Variants in ADAMTS2 observed in about 807,000 individuals in gnomAD.
ADAMTS2 encodes the protein A disintegrin and metalloproteinase with thrombospondin motifs 2.
Under a neutral mutation model 123.0 loss-of-function variants are expected in ADAMTS2, and 50 were observed. That is an observed-to-expected ratio of 0.41 (90% confidence interval 0.32 to 0.51). The LOEUF (loss-of-function observed/expected upper bound fraction) is 0.51, where lower values mean the gene tolerates loss of function less well. Ranked by LOEUF, ADAMTS2 falls within the 20% of genes least tolerant of loss-of-function variation. ADAMTS2 has a pLI of 0.35. For synonymous variants in ADAMTS2, 678 were observed against 695.4 expected (o/e 0.98, Z 0.39); for missense variants, 1,494 against 1,705.2 (o/e 0.88, Z 2.18).
At chr5:179,126,668 C>T (rs1389138136) in intron 17 of ADAMTS2, among the ~76,000 whole-genome samples, 2 of 152,258 alleles carry the variant, frequency 1.3e-5, no homozygotes, top group African/African-American at 4.8e-5. Flanking sequence ...CCACCGTGCA[C>T]AGGACAGCCC....
rs564737271 is a variant in ADAMTS2 at position 179,175,996 on chromosome 5, G to A, written c.975+5076C>T. On this transcript the variant is annotated intron_variant, in intron 5 of 21. Coordinates refer to ENST00000251582, the MANE Select transcript of ADAMTS2 (RefSeq NM_014244.5). The surrounding 1 kb of genome is among the most constrained non-coding windows in gnomAD (Gnocchi z 4.1). ...TGCACAGCTCCACAGGAAAGTCTCC[G>A]GGAAATTTCACCCCCAGGAATGCCC... Among the ~76,000 whole-genome samples, 3 of 152,086 alleles carry A rather than the reference G, an allele frequency of 2.0e-5. No homozygotes were observed. The highest frequency in any genetic ancestry group is 3.9e-4 in the East Asian group (2 of 5,160).
rs1199809830 is a variant in ADAMTS2, at chr5:179,132,070, C to T, written c.2290+160G>A. Among the ~76,000 whole-genome samples the T allele has an allele frequency of 6.6e-6, 1 of 152,226 alleles. No individual in the cohort carries two copies. Among genetic ancestry groups the T allele is most frequent in the Non-Finnish European group, 1.5e-5 (1 of 68,034 alleles). ...AAGGGGAGGACCCTGGGAAAGGGCC[C>T]AGGTGGGCTGAGCAGAGGGACAGGT... On this transcript the variant is annotated intron_variant, in intron 15 of 21. Transcript: ENST00000251582. This position sits in a 1 kb window ranked among gnomAD's most constrained non-coding sequence, Gnocchi z 6.1.
intron 3 of ADAMTS2, among the ~76,000 whole-genome samples, chr5:179,218,263 C>T (rs1341757047): frequency 2.0e-5 from 3 of 152,232 alleles, no homozygotes; most frequent in Non-Finnish European, 4.4e-5. Flanking sequence ...AGGAGCCCCA[C>T]CCAGGGGAGG....
At chr5:179,255,131 G>A (rs865982068) in intron 3 of ADAMTS2, among the ~76,000 whole-genome samples, 2 of 152,182 alleles carry the variant, frequency 1.3e-5, no homozygotes. Context: ...TAGATGGATG[G>A]ATGAATGAGT....
intron 2 of ADAMTS2, among the ~76,000 whole-genome samples, chr5:179,302,443 G>T (rs1022916347): frequency 7.0e-6 from 1 of 143,412 alleles, no homozygotes; most frequent in East Asian, 2.1e-4. Context: ...AACCCAAACT[G>T]CAGCAAGATT....
In ADAMTS2 at chr5:179,345,436, A is replaced by C; in HGVS notation, c.-108T>G. On this transcript the variant is annotated 5_prime_UTR_variant, in exon 1 of 22. Transcript: ENST00000251582. This position sits in a 1 kb window ranked among gnomAD's most constrained non-coding sequence, Gnocchi z 7.5. ...AGCTGGAGCCGCCCGCAGCTGCAGC[A>C]CCGCAGGGCGCGGGGCGGAGGAGGC... 1 of 934,632 alleles carries C rather than the reference A, an allele frequency of 1.1e-6. No homozygotes were observed. Among genetic ancestry groups the C allele is most frequent in the Non-Finnish European group, 1.3e-6 (1 of 779,612 alleles). The allele number at this position is 934,632 out of a possible 1,614,324, so 57.9% of individuals were successfully genotyped here. A position where few individuals can be genotyped will look rare whatever the true frequency, so the allele number is the denominator to read the frequency against.
At chr5:179,299,357 G>A (rs4330451) in intron 2 of ADAMTS2, among the ~76,000 whole-genome samples, 1,871 of 4,250 alleles carry the variant, frequency 0.44, 576 homozygotes, top group East Asian at 0.92. Context: ...GTGAAATCCT[G>A]TCTCTGCTAA....
intron 2 of ADAMTS2, among the ~76,000 whole-genome samples, chr5:179,284,213 C>G (rs945895185): frequency 1.3e-4 from 19 of 150,620 alleles, no homozygotes; most frequent in African/African-American, 4.6e-4. Context: ...CCTGTGGTCC[C>G]AGCTGCTTGG....
intron 21 of ADAMTS2, among the ~76,000 whole-genome samples, chr5:179,119,645 C>T (rs565016916): frequency 1.1e-4 from 16 of 152,314 alleles, no homozygotes; most frequent in Admixed American, 3.9e-4. Flanking sequence ...CAGGCTTTCC[C>T]GGGGCTGGCC....
chr5:179,119,134 T>C (rs1277918475), intron 21 of ADAMTS2, among the ~76,000 whole-genome samples: 2 of 152,174 alleles, frequency 1.3e-5, no homozygotes, highest in Non-Finnish European at 2.9e-5. Flanking sequence ...TTAGCGGGAA[T>C]TGCTCCTGAC....
intron 2 of ADAMTS2, among the ~76,000 whole-genome samples, chr5:179,290,344 C>A (rs900012592): frequency 2.0e-5 from 3 of 152,168 alleles, no homozygotes; most frequent in African/African-American, 7.2e-5. Flanking sequence ...TATGACACAG[C>A]ACAAAAAGGC....
At chr5:179,233,453 G>T (rs536990942) in intron 3 of ADAMTS2, among the ~76,000 whole-genome samples, 1 of 152,174 alleles carries the variant, frequency 6.6e-6, no homozygotes, top group African/African-American at 2.4e-5. Flanking sequence ...GGCTGAGGGT[G>T]GGGGAGGGTG....
In ADAMTS2 at chr5:179,216,646, G is replaced by A. The variant is rs146979841; in HGVS notation, c.689-8931C>T. ...CCCGGAGAAGCAGAAGTCAGACCACGACCTGGAGACTGATCTGCTCACCTC... is the reference window on the plus strand; with the variant it reads ...CCCGGAGAAGCAGAAGTCAGACCACAACCTGGAGACTGATCTGCTCACCTC... On this transcript the variant is annotated intron_variant, in intron 3 of 21. Transcript: ENST00000251582. 2.7e-4 allele frequency among the ~76,000 whole-genome samples: 41 copies of A among 152,340 alleles called. 1 individual carries two copies. The highest frequency in any genetic ancestry group is 8.9e-4 in the African/African-American group (37 of 41,574).
chr5:179,198,858 C>T (rs1475820617), intron 4 of ADAMTS2, among the ~76,000 whole-genome samples: 15 of 150,486 alleles, frequency 1.0e-4, no homozygotes. Flanking sequence ...AAAAACAAAA[C>T]TCACTGCAGA....
intron 4 of ADAMTS2, among the ~76,000 whole-genome samples, chr5:179,194,430 G>A (rs1459457741): frequency 1.3e-5 from 2 of 152,206 alleles, no homozygotes; most frequent in African/African-American, 2.4e-5. Flanking sequence ...GCAGGCGGGT[G>A]GGCCTCAGAA....
In ADAMTS2 at chr5:179,140,052, C is replaced by T. The variant is rs1263060868; in HGVS notation, c.1630-17G>A. 6.2e-7 allele frequency: 1 copy of T among 1,613,846 alleles called. No homozygotes were observed. Among genetic ancestry groups the T allele is most frequent in the Non-Finnish European group, 8.5e-7 (1 of 1,179,906 alleles). On this transcript the variant is annotated splice_polypyrimidine_tract_variant and intron_variant, in intron 10 of 21. Coordinates refer to ENST00000251582, the MANE Select transcript of ADAMTS2 (RefSeq NM_014244.5). ...AAAACAATGCTGAAAGACAGGAAGCCAGTCCCTCCACTCACCCTCACACCG... is the reference window on the plus strand; with the variant it reads ...AAAACAATGCTGAAAGACAGGAAGCTAGTCCCTCCACTCACCCTCACACCG...
At chr5:179,319,910 G>C (rs1273200764) in intron 2 of ADAMTS2, among the ~76,000 whole-genome samples, 2 of 152,180 alleles carry the variant, frequency 1.3e-5, no homozygotes, top group African/African-American at 2.4e-5. Context: ...CTGGCCCACA[G>C]AATGCCTGGT....
At chr5:179,335,478 G>A (rs534289543) in intron 2 of ADAMTS2, among the ~76,000 whole-genome samples, 27 of 152,130 alleles carry the variant, frequency 1.8e-4, no homozygotes, top group Non-Finnish European at 3.7e-4. Flanking sequence ...AAGCTTCAAA[G>A]TACTTAATAC....
At chr5:179,288,178 C>T (rs1035205601) in intron 2 of ADAMTS2, among the ~76,000 whole-genome samples, 1 of 152,226 alleles carries the variant, frequency 6.6e-6, no homozygotes, top group African/African-American at 2.4e-5. Context: ...CATGCACACA[C>T]AGAGCCTGTG....
Sources: allele counts gnomAD v4.1 joint callset (sites outside exome capture counted in the v4.1 genomes callset), GRCh38; gene constraint gnomAD v4.1.1; non-coding constraint Gnocchi (gnomAD v3.1); transcripts MANE v1.5; gene names NCBI Gene and HGNC (gene_info 2026-07-23, HGNC 2026-07-21).